The following SP140 variants were observed in gnomAD, a reference collection of about 807,000 sequenced individuals.
The protein encoded by SP140 is SP140 nuclear body protein.
In SP140, 81 loss-of-function variants were observed where a neutral mutation model predicts 125.0. The ratio of observed to expected loss-of-function variants is 0.65; its 90% confidence interval spans 0.54 to 0.78. SP140 has a LOEUF of 0.78. Ranked by LOEUF, SP140 falls within the 30% of genes least tolerant of loss-of-function variation. The probability of loss-of-function intolerance (pLI) is 0.00; values close to 1 mark genes in which losing one functional copy is unlikely to be tolerated. For missense variants in SP140, 858 were observed against 1,037.0 expected, an observed-to-expected ratio of 0.83 and a Z score of 2.37; for synonymous variants, 312 against 354.0, an observed-to-expected ratio of 0.88 and a Z score of 1.33.
rs1345932031 is a variant in SP140, at chr2:230,290,452, T to TTGA, written c.1721-8_1721-7insTGA. 3 of 1,613,164 alleles carry TTGA rather than the reference T, an allele frequency of 1.9e-6. No homozygotes were observed. The highest frequency in any genetic ancestry group is 2.5e-6 in the Non-Finnish European group (3 of 1,179,292). ...AGTGAGACAGAATGAAGAAATCCTC[T>TTGA]CTTTCAGCTTCAAGAAAGCACAAAG... On this transcript the variant is annotated splice_region_variant and splice_polypyrimidine_tract_variant and intron_variant, in intron 18 of 26. Transcript: ENST00000392045.
chr2:230,192,144 A>G, the SP140 span, among the ~76,000 whole-genome samples: 1 of 149,054 alleles, frequency 6.7e-6, no homozygotes, highest in African/African-American at 2.6e-5. Flanking sequence ...TCAAAATAAT[A>G]AGAGCTATTT....
chr2:230,281,997 G>A (rs1231448721), intron 15 of SP140, among the ~76,000 whole-genome samples: 1 of 152,154 alleles, frequency 6.6e-6, no homozygotes, highest in Non-Finnish European at 1.5e-5. Context: ...AGCAAGCCCA[G>A]GTGGATGCTG....
At chr2:230,245,294 AT>A (rs1200075472) in intron 6 of SP140, among the ~76,000 whole-genome samples, 3 of 152,134 alleles carry the variant, frequency 2.0e-5, no homozygotes, top group Non-Finnish European at 4.4e-5. Flanking sequence ...GTACAGAGTA[AT>A]AAAAATTACT....
At chr2:230,248,803 G>T (rs1057339512) in intron 8 of SP140, 82 bp from the exon 9 acceptor site, 10 of 1,096,794 alleles carry the variant, frequency 9.1e-6, no homozygotes, top group African/African-American at 7.8e-5. Flanking sequence ...CTCAGCATTT[G>T]CCCATCTTGG....
chr2:230,235,642 G>A (rs892398436), intron 1 of SP140, among the ~76,000 whole-genome samples: 23 of 152,154 alleles, frequency 1.5e-4, no homozygotes, highest in African/African-American at 5.1e-4. Flanking sequence ...TCTTCATACC[G>A]TTTAGAAATA....
At position 230,287,886 on chromosome 2, in the gene SP140, T is replaced by C. The variant is rs914520601; in HGVS notation, c.1646-6T>C. 1.2e-6 allele frequency: 2 copies of C among 1,607,852 alleles called. No individual in the cohort carries two copies. Among genetic ancestry groups the C allele is most frequent in the Middle Eastern group, 2.2e-4 (1 of 4,600 alleles). ...TGACTGTGATTATATTATTCTACTT[T>C]CTCAGGGAGAAAGAGAGGCAAACCT... On this transcript the variant is annotated splice_polypyrimidine_tract_variant and splice_region_variant and intron_variant, in intron 17 of 26. Coordinates refer to ENST00000392045, the MANE Select transcript of SP140 (RefSeq NM_007237.5).
At chr2:230,290,708 C>T (rs1044779164) in intron 19 of SP140, 144 bp downstream of exon 19, 35 of 675,890 alleles carry the variant, frequency 5.2e-5, no homozygotes, top group Middle Eastern at 2.5e-4. Flanking sequence ...TCTAAGATGA[C>T]GTTTACAGAC....
At chr2:230,253,440 G>A (rs768149729) in intron 11 of SP140, 23 bp downstream of exon 11, 15 of 1,539,534 alleles carry the variant, frequency 9.7e-6, no homozygotes, top group Non-Finnish European at 1.3e-5. Context: ...TACATTTTTA[G>A]GTATTTGAGT....
At chr2:230,231,589 T>G (rs866804858) in intron 1 of SP140, among the ~76,000 whole-genome samples, 45 of 151,804 alleles carry the variant, frequency 3.0e-4, no homozygotes, top group African/African-American at 1.0e-3. Context: ...GGAACCCTGT[T>G]GATGGAATGG....
intron 1 of SP140, among the ~76,000 whole-genome samples, chr2:230,204,323 C>T (rs1019583793): frequency 4.6e-5 from 7 of 152,172 alleles, no homozygotes; most frequent in African/African-American, 1.4e-4. Flanking sequence ...TTCCCTGTCT[C>T]CCTAATCCTA....
At chr2:230,281,697 A>G (rs2055587051) in intron 15 of SP140, among the ~76,000 whole-genome samples, 1 of 152,144 alleles carries the variant, frequency 6.6e-6, no homozygotes, top group Non-Finnish European at 1.5e-5. Flanking sequence ...TTCACACAGC[A>G]TGTTTTTGAG....
chr2:230,199,991 C>G (rs183708303), upstream of SP140, among the ~76,000 whole-genome samples: 3 of 152,156 alleles, frequency 2.0e-5, no homozygotes, highest in Admixed American at 6.5e-5. Context: ...TCTTAATTTC[C>G]TCATCTGCTA....
In SP140 at chr2:230,288,028, CTG is replaced by C; in HGVS notation, c.1720+64_1720+65del. ...AACATCTAATTTCCTGTGCGGTACA[CTG>C]TACTTTCAGTAATAAACCCATTTCC... On this transcript the variant is annotated intron_variant, in intron 18 of 26. Coordinates refer to ENST00000392045, the MANE Select transcript of SP140 (RefSeq NM_007237.5). 3 of 1,372,784 alleles carry C rather than the reference CTG, an allele frequency of 2.2e-6. 1 individual carries two copies. The South Asian group carries it at 3.9e-5, about 18-fold the overall frequency. 85.0% of individuals were successfully genotyped at this position (1,372,784 alleles called of 1,614,324 possible).
chr2:230,302,525 A>G (rs1221924771), intron 22 of SP140, among the ~76,000 whole-genome samples: 3 of 152,242 alleles, frequency 2.0e-5, no homozygotes, highest in Non-Finnish European at 2.9e-5. Context: ...CAACCAAGAA[A>G]CAATGGACTT....
Position 230,284,402 on chromosome 2 carries a change from C to T in SP140, c.1555C>T (p.Gln519Ter). Residue 519 changes from glutamine to a stop codon, truncating the protein, a stop_gained, in exon 16 of 27, where the codon CAA becomes TAA. Coordinates refer to ENST00000392045, the MANE Select transcript of SP140 (RefSeq NM_007237.5). LOFTEE classifies it high-confidence loss of function. ...GAGAATGAGAAGGCAGGAAAACAGC[C>T]AACAAAATGGTAAGCAGGCAAAGTG... is the stretch of plus-strand genomic sequence containing the variant. ...RMRMRRQENS[Q>*]QNDNSKADGQ... is the part of the protein sequence containing the mutation. The T allele has an allele frequency of 6.2e-7, 1 of 1,608,586 alleles. No homozygotes were observed. Among genetic ancestry groups the T allele is most frequent in the Non-Finnish European group, 8.5e-7 (1 of 1,177,350 alleles).
At chr2:230,216,898 C>T (rs772827255) in intron 3 of SP140, 2 of 1,613,982 alleles carry the variant, frequency 1.2e-6, no homozygotes, top group Non-Finnish European at 1.7e-6. Flanking sequence ...GAAAAAGAGC[C>T]TCTTCCATGG....
At chr2:230,316,426 G>A (rs1457045776), downstream of SP140, among the ~76,000 whole-genome samples, 1 of 152,152 alleles carries the variant, frequency 6.6e-6, no homozygotes, top group Non-Finnish European at 1.5e-5. Context: ...TGTGATTCTA[G>A]GCTTTGTAAC....
intron 12 of SP140, among the ~76,000 whole-genome samples, chr2:230,259,654 T>A (rs1303911223): frequency 6.6e-6 from 1 of 150,700 alleles, no homozygotes; most frequent in East Asian, 1.9e-4. Context: ...ACCACTGCAC[T>A]CCAGCCTGGG....
At chr2:230,233,391 C>T (rs982317143) in intron 1 of SP140, among the ~76,000 whole-genome samples, 2 of 151,484 alleles carry the variant, frequency 1.3e-5, no homozygotes, top group Non-Finnish European at 2.9e-5. Context: ...CGTCTCAAAA[C>T]AAAACAAAAA....
Sources: allele counts gnomAD v4.1 joint callset (sites outside exome capture counted in the v4.1 genomes callset), GRCh38; gene constraint gnomAD v4.1.1; transcripts MANE v1.5; gene names NCBI Gene and HGNC (gene_info 2026-07-23, HGNC 2026-07-21).